The following SYT17 variants were observed in gnomAD, a reference collection of about 807,000 sequenced individuals.
SYT17 encodes the protein synaptotagmin 17, also known as synaptotagmin-17.
SYT17 carries 22 observed loss-of-function variants against 46.7 expected under a neutral mutation model. The ratio of observed to expected loss-of-function variants is 0.47; its 90% CI spans 0.34 to 0.67. The LOEUF is 0.67. Ranked by LOEUF, SYT17 falls within the 30% of genes least tolerant of loss-of-function variation. SYT17 has a pLI of 0.01. For synonymous variants in SYT17, 251 were observed against 248.4 expected, an observed-to-expected ratio of 1.01 and a Z score of -0.10; for missense variants, 519 against 612.8, an observed-to-expected ratio of 0.85 and a Z score of 1.62.
intron 7 of SYT17, among the ~76,000 whole-genome samples, chr16:19,252,943 G>GC (rs953799005): frequency 2.0e-5 from 3 of 152,124 alleles, no homozygotes; most frequent in African/African-American, 7.2e-5. Context: ...AGACTGCTGA[G>GC]CCCCTGCCCA....
chr16:19,173,430 G>A lies in SYT17; in HGVS notation c.34G>A (p.Gly12Ser). 7.1e-7 allele frequency: 1 copy of A among 1,414,762 alleles called. No individual in the cohort carries two copies. Among genetic ancestry groups the A allele is most frequent in the Non-Finnish European group, 9.4e-7 (1 of 1,059,288 alleles). The allele number at this position is 1,414,762 out of a possible 1,614,324, so 87.6% of individuals were successfully genotyped here. A position where few individuals can be genotyped will look rare whatever the true frequency, so the allele number is the denominator to read the frequency against. Residue 12 changes from glycine to serine, a missense_variant and splice_region_variant, in exon 3 of 8, where the codon GGT becomes AGT. Gly to Ser is a moderately conservative substitution (Grantham distance 56, BLOSUM62 0). Transcript: ENST00000355377. ...CGCCCACCTCCCCCAATGGCCTCAG[G>A]GTTTTCTTTCTAGAATCTCTGGTCT... is the stretch of plus-strand genomic sequence containing the variant. ...AYIQLEPLNE[G>S]FLSRISGLLL...
chr16:19,259,641 A>AT (rs1486453772), intron 7 of SYT17, among the ~76,000 whole-genome samples: 1 of 151,756 alleles, frequency 6.6e-6, no homozygotes, highest in Non-Finnish European at 1.5e-5. Flanking sequence ...CTCTTCATGG[A>AT]TTTTGTACAT....
Position 19,168,356 on chromosome 16 carries a change from G to C in SYT17, c.-291G>C. On this transcript the variant is annotated 5_prime_UTR_variant, in exon 1 of 8. Coordinates refer to ENST00000355377, the MANE Select transcript of SYT17 (RefSeq NM_016524.4). This position sits in a 1 kb window ranked among gnomAD's most constrained non-coding sequence, Gnocchi z 6.9. ...CTTATTCCAGCCTGGGGAGCGCCTC[G>C]GTGGGGAGCACGGGACAGCGAGGGA... The C allele has an allele frequency of 2.0e-6, 1 of 497,700 alleles. No individual in the cohort carries two copies. The highest frequency in any genetic ancestry group is 3.5e-6 in the Non-Finnish European group (1 of 283,310). 30.8% of individuals were successfully genotyped at this position (497,700 alleles called of 1,614,324 possible). A position where few individuals can be genotyped will look rare whatever the true frequency, so the allele number is the denominator to read the frequency against.
At chr16:19,212,271 T>A (rs1396719363) in intron 5 of SYT17, among the ~76,000 whole-genome samples, 1 of 152,152 alleles carries the variant, frequency 6.6e-6, no homozygotes, top group Non-Finnish European at 1.5e-5. Context: ...TGACAAACCC[T>A]GTTGTTGACC....
chr16:19,216,673 G>C (rs1033630428), intron 5 of SYT17, among the ~76,000 whole-genome samples: 3 of 152,050 alleles, frequency 2.0e-5, no homozygotes, highest in African/African-American at 7.2e-5. Flanking sequence ...GAGGATGATG[G>C]TTTCCAGCTT....
chr16:19,222,496 C>G (rs116431492), intron 5 of SYT17, among the ~76,000 whole-genome samples: 1 of 150,966 alleles, frequency 6.6e-6, no homozygotes, highest in African/African-American at 2.5e-5. Flanking sequence ...GTGGGATCTG[C>G]TGGGGACTCC....
At chr16:19,257,490 T>A (rs1313781677) in intron 7 of SYT17, among the ~76,000 whole-genome samples, 1 of 151,314 alleles carries the variant, frequency 6.6e-6, no homozygotes, top group Non-Finnish European at 1.5e-5. Context: ...TTTGCAAAAG[T>A]TGGAAAGACA....
intron 7 of SYT17, among the ~76,000 whole-genome samples, chr16:19,243,415 C>T (rs1312334267): frequency 6.6e-6 from 1 of 152,120 alleles, no homozygotes; most frequent in African/African-American, 2.4e-5. Context: ...GGGAGGCAGC[C>T]TTTGGATGAC....
At chr16:19,190,239 C>T (rs888602853) in intron 5 of SYT17, among the ~76,000 whole-genome samples, 2 of 152,052 alleles carry the variant, frequency 1.3e-5, no homozygotes, top group Non-Finnish European at 2.9e-5. Flanking sequence ...GGTGTGGTGG[C>T]GGGCACCTAT....
At chr16:19,238,479 T>G (rs1966879929) in intron 7 of SYT17, among the ~76,000 whole-genome samples, 1 of 152,218 alleles carries the variant, frequency 6.6e-6, no homozygotes, top group South Asian at 2.1e-4. Context: ...TGACCTCAAC[T>G]TCTCCTCCTG....
upstream of SYT17, chr16:19,168,171 G>A (rs1194810668): frequency 1.2e-5 from 2 of 166,130 alleles, no homozygotes; most frequent in African/African-American, 4.8e-5. This position sits in a 1 kb window ranked among gnomAD's most constrained non-coding sequence, Gnocchi z 6.9. Flanking sequence ...GTGCCAGCAG[G>A]ATGGGCTGAC....
intron 7 of SYT17, among the ~76,000 whole-genome samples, chr16:19,243,701 C>G (rs1175561674): frequency 6.6e-6 from 1 of 151,370 alleles, no homozygotes; most frequent in Admixed American, 6.6e-5. Context: ...GCCTGTAATC[C>G]CAGCTACTCG....
In SYT17 at chr16:19,173,284, C is replaced by G. The variant is rs1326422241; in HGVS notation, c.34-146C>G. 9 of 592,772 alleles carry G rather than the reference C, an allele frequency of 1.5e-5. No individual in the cohort carries two copies. The Middle Eastern group carries it at 3.1e-3, about 205-fold the overall frequency. 36.7% of individuals were successfully genotyped at this position (592,772 alleles called of 1,614,324 possible). A position where few individuals can be genotyped will look rare whatever the true frequency, so the allele number is the denominator to read the frequency against. ...AAAACATTTTGTTCTAAGTGCTGAG[C>G]AGCAGAGCCAGAACTCCTGAATGTC... On this transcript the variant is annotated intron_variant, in intron 2 of 7. Coordinates refer to ENST00000355377, the MANE Select transcript of SYT17 (RefSeq NM_016524.4).
intron 3 of SYT17, among the ~76,000 whole-genome samples, chr16:19,174,267 T>C (rs1218913306): frequency 6.6e-6 from 1 of 152,228 alleles, no homozygotes; most frequent in Non-Finnish European, 1.5e-5. Flanking sequence ...GTTTTGAAGC[T>C]TCTCAGCCAC....
At chr16:19,245,738 C>A (rs1014239437) in intron 7 of SYT17, among the ~76,000 whole-genome samples, 1 of 152,180 alleles carries the variant, frequency 6.6e-6, no homozygotes, top group Non-Finnish European at 1.5e-5. Context: ...CCCCATCCCC[C>A]AGGTGACAGG....
chr16:19,197,749 G>A (rs537595705), intron 5 of SYT17, among the ~76,000 whole-genome samples: 1 of 152,132 alleles, frequency 6.6e-6, no homozygotes, highest in East Asian at 1.9e-4. Flanking sequence ...TTGATTCCTA[G>A]TTATAAAATG....
rs1159371593 is a variant in SYT17, at chr16:19,223,066, C to T, written c.973C>T (p.Leu325=). 3 of 1,614,058 alleles carry T rather than the reference C, an allele frequency of 1.9e-6. No homozygotes were observed. Residue 325 remains leucine (L), a synonymous_variant, in exon 6 of 8, where the codon CTG becomes TTG. Transcript: ENST00000355377. ...SSQNEVELGE[L]LLSLNYLPSA... ...ACAGAATGAAGTGGAGCTGGGGGAG[C>T]TGCTTCTGTCACTGAATTATCTCCC...
chr16:19,226,327 A>C (rs1027877671), intron 7 of SYT17, among the ~76,000 whole-genome samples: 56 of 152,170 alleles, frequency 3.7e-4, no homozygotes, highest in African/African-American at 1.3e-3. Context: ...CTCCAGGGTA[A>C]CTGGAAACTC....
chr16:19,223,688 G>A (rs1452614711), intron 6 of SYT17, among the ~76,000 whole-genome samples: 1 of 152,194 alleles, frequency 6.6e-6, no homozygotes, highest in African/African-American at 2.4e-5. Flanking sequence ...GAAAGCAGCT[G>A]TAGTCAGGGA....
Sources: allele counts gnomAD v4.1 joint callset (sites outside exome capture counted in the v4.1 genomes callset), GRCh38; gene constraint gnomAD v4.1.1; non-coding constraint Gnocchi (gnomAD v3.1); transcripts MANE v1.5; gene names NCBI Gene and HGNC (gene_info 2026-07-23, HGNC 2026-07-21).